NSMCE2: variants seen among roughly 807,000 people sequenced by gnomAD.
NSMCE2 encodes NSE2 SUMO ligase component of SMC5/6 complex, also known as E3 SUMO-protein ligase NSE2.
NSMCE2 carries 24 observed loss-of-function variants against 23.8 expected under a neutral mutation model. That is an observed-to-expected ratio of 1.01 (90% CI 0.73 to 1.42). The LOEUF (loss-of-function observed/expected upper bound fraction) is 1.42, where lower values mean the gene tolerates loss of function less well. Among genes scored for constraint, NSMCE2 ranks in the 40% most tolerant of loss-of-function variants. NSMCE2 has a pLI of 0.00. For synonymous variants in NSMCE2, 92 were observed against 94.1 expected (o/e 0.98, Z 0.13); for missense variants, 284 against 296.5 (o/e 0.96, Z 0.31).
chr8:125,262,255 C>G (rs943556472), intron 5 of NSMCE2, among the ~76,000 whole-genome samples: 4 of 151,912 alleles, frequency 2.6e-5, no homozygotes, highest in Non-Finnish European at 2.9e-5. Flanking sequence ...GAAACCCCGT[C>G]TCTACTAAAA....
At position 125,271,744 on chromosome 8, in the gene NSMCE2, C is replaced by T. The variant is rs1402056482; in HGVS notation, c.419-85475C>T. On this transcript the variant is annotated intron_variant, in intron 5 of 7. Coordinates refer to ENST00000287437, the MANE Select transcript of NSMCE2 (RefSeq NM_173685.4). ...GGAGGATGCATGCTTGATTTTATTG[C>T]TTTTGATACTGTTTTTCACTCATGC... Among the ~76,000 whole-genome samples the T allele has an allele frequency of 1.3e-5, 2 of 152,148 alleles. 1 individual carries two copies. Among genetic ancestry groups the T allele is most frequent in the Non-Finnish European group, 2.9e-5 (2 of 68,014 alleles).
intron 4 of NSMCE2, among the ~76,000 whole-genome samples, chr8:125,164,567 G>T (rs1416484961): frequency 6.6e-6 from 1 of 151,632 alleles, no homozygotes; most frequent in Non-Finnish European, 1.5e-5. Flanking sequence ...TGTTAGAGAG[G>T]GATTCTATTA....
chr8:125,276,597 C>T (rs1299674301), intron 5 of NSMCE2, among the ~76,000 whole-genome samples: 1 of 152,190 alleles, frequency 6.6e-6, no homozygotes, highest in Non-Finnish European at 1.5e-5. Flanking sequence ...ATTGTATATA[C>T]AGTCCCTCAT....
chr8:125,349,684 A>G (rs2131347716), intron 5 of NSMCE2, among the ~76,000 whole-genome samples: 2 of 152,308 alleles, frequency 1.3e-5, no homozygotes, highest in Middle Eastern at 6.8e-3. Context: ...AAAACTTTCT[A>G]ACTGGTAGCC....
intron 4 of NSMCE2, among the ~76,000 whole-genome samples, chr8:125,162,873 T>A (rs534799025): frequency 6.6e-6 from 1 of 152,344 alleles, no homozygotes; most frequent in South Asian, 2.1e-4. Flanking sequence ...CACATTTACC[T>A]TTTGACTTTA....
chr8:125,286,605 G>A (rs1465286113), intron 5 of NSMCE2, among the ~76,000 whole-genome samples: 2 of 151,936 alleles, frequency 1.3e-5, no homozygotes, highest in Admixed American at 6.6e-5. Context: ...GAGCCACTGC[G>A]CCCGGCCCAA....
intron 3 of NSMCE2, among the ~76,000 whole-genome samples, chr8:125,134,721 C>A (rs1010204617): frequency 2.2e-5 from 3 of 135,574 alleles, no homozygotes; most frequent in African/African-American, 8.5e-5. Flanking sequence ...TTAACGGATT[C>A]CTTTTTTTTT....
At chr8:125,110,663 A>G (rs915438051) in intron 3 of NSMCE2, among the ~76,000 whole-genome samples, 1 of 151,294 alleles carries the variant, frequency 6.6e-6, no homozygotes, top group Non-Finnish European at 1.5e-5. Context: ...TCTGCCCTTC[A>G]CCATTACACT....
chr8:125,219,378 C>G (rs984005784), intron 5 of NSMCE2, among the ~76,000 whole-genome samples: 1 of 152,104 alleles, frequency 6.6e-6, no homozygotes, highest in Non-Finnish European at 1.5e-5. Flanking sequence ...GCTAAATTTA[C>G]TCTGGATTGA....
intron 7 of NSMCE2, among the ~76,000 whole-genome samples, chr8:125,359,130 G>A (rs1276221310): frequency 6.6e-6 from 1 of 151,734 alleles, no homozygotes; most frequent in Non-Finnish European, 1.5e-5. Context: ...AGCCGGGCGT[G>A]GTGGCAGGCG....
chr8:125,271,282 C>T lies in NSMCE2; in HGVS notation c.419-85937C>T, dbSNP rs535382819. Among the ~76,000 whole-genome samples the T allele has an allele frequency of 2.7e-5, 4 of 149,108 alleles. No individual in the cohort carries two copies. In the East Asian group the frequency reaches 7.9e-4, roughly 29 times the overall value. On this transcript the variant is annotated intron_variant, in intron 5 of 7. Transcript: ENST00000287437. ...TCTCAAAAAAAAAAAAAAAGTATTA[C>T]TCTAGTGATGAGGTAAGTAGTGAGG...
chr8:125,134,579 A>C (rs1819963887), intron 3 of NSMCE2, among the ~76,000 whole-genome samples: 1 of 152,160 alleles, frequency 6.6e-6, no homozygotes, highest in African/African-American at 2.4e-5. Flanking sequence ...AAGTATCTTC[A>C]AATCTTGTGT....
In NSMCE2 at chr8:125,317,858, T is replaced by C. The variant is rs1352462793; in HGVS notation, c.419-39361T>C. On this transcript the variant is annotated intron_variant, in intron 5 of 7. Coordinates refer to ENST00000287437, the MANE Select transcript of NSMCE2 (RefSeq NM_173685.4). The stretch of plus-strand genomic sequence containing the variant: ...CAAAGCAAAAATTATCAGACCAGAA[T>C]GCCAGTTAAATTTTTAAAAAGTTAA... 2.6e-5 allele frequency among the ~76,000 whole-genome samples: 4 copies of C among 152,316 alleles called. No individual in the cohort carries two copies. The East Asian group carries it at 7.7e-4, about 29-fold the overall frequency.
chr8:125,196,326 A>G lies in NSMCE2; in HGVS notation c.418+14070A>G, dbSNP rs1205862958. Among the ~76,000 whole-genome samples the G allele has an allele frequency of 2.0e-5, 3 of 149,774 alleles. No individual in the cohort carries two copies. In the East Asian group the frequency reaches 5.9e-4, roughly 30 times the overall value. ...CATCAACTCGTCATTTACATTAGGTATTTCTCCTAATGCTATCCCTCCCCC... is the reference window on the plus strand; with the variant it reads ...CATCAACTCGTCATTTACATTAGGTGTTTCTCCTAATGCTATCCCTCCCCC... On this transcript the variant is annotated intron_variant, in intron 5 of 7. Transcript: ENST00000287437.
chr8:125,198,734 G>A (rs113088197), intron 5 of NSMCE2, among the ~76,000 whole-genome samples: 6,052 of 152,160 alleles, frequency 0.04, 400 homozygotes, highest in African/African-American at 0.14. Flanking sequence ...CTCTTTTTCT[G>A]TTGATTGGAA....
Position 125,102,375 on chromosome 8 carries a change from C to T in NSMCE2, c.45C>T (p.Ile15=), listed in dbSNP as rs1373388176. Residue 15 remains isoleucine, a synonymous_variant, in exon 3 of 8, where the codon ATC becomes ATT. Coordinates refer to ENST00000287437, the MANE Select transcript of NSMCE2 (RefSeq NM_173685.4). ...SSSNSGSTGF[I]SFSGVESALS... is the part of the protein sequence containing the mutation. ...CAAATTCAGGTTCAACTGGTTTCAT[C>T]TCCTTCAGTGGTGTAGAGTCTGCTC... 1 of 1,613,698 alleles carries T rather than the reference C, an allele frequency of 6.2e-7. No homozygotes were observed. The highest frequency in any genetic ancestry group is 1.7e-5 in the Admixed American group (1 of 60,024).
chr8:125,243,500 TTA>T (rs1491375189), intron 5 of NSMCE2, among the ~76,000 whole-genome samples: 116 of 133,882 alleles, frequency 8.7e-4, no homozygotes, highest in African/African-American at 3.9e-3. Flanking sequence ...TAATAATTTT[TTA>T]AAAAAAAAAA....
chr8:125,206,107 A>G (rs1824108027), intron 5 of NSMCE2, among the ~76,000 whole-genome samples: 1 of 152,190 alleles, frequency 6.6e-6, no homozygotes, highest in South Asian at 2.1e-4. Flanking sequence ...TATAATATTA[A>G]ATGTTAAAGC....
At chr8:125,128,057 A>G (rs1045504519) in intron 3 of NSMCE2, among the ~76,000 whole-genome samples, 2 of 152,196 alleles carry the variant, frequency 1.3e-5, no homozygotes, top group African/African-American at 4.8e-5. Flanking sequence ...TTAGAAATAC[A>G]GCATTGACTA....
Sources: gnomAD v4.1 joint callset for allele counts (sites outside exome capture counted in the v4.1 genomes callset) on GRCh38, gnomAD v4.1.1 for gene constraint, MANE v1.5 for transcripts, NCBI Gene and HGNC (gene_info 2026-07-23, HGNC 2026-07-21) for gene names.